The following TMEM273 variants were observed in gnomAD, a reference collection of about 807,000 sequenced individuals.
TMEM273 encodes chromosome 10 open reading frame 128.
A neutral mutation model predicts 17.9 loss-of-function variants in TMEM273; 19 were observed. The ratio of observed to expected loss-of-function variants is 1.06; its 90% confidence interval spans 0.74 to 1.55. The LOEUF (loss-of-function observed/expected upper bound fraction) is 1.55. Among genes scored for constraint, TMEM273 ranks in the 40% most tolerant of loss-of-function variants. TMEM273 has a pLI of 0.00. For missense variants in TMEM273, 194 were observed against 155.6 expected, an observed-to-expected ratio of 1.25 and a Z score of -1.31; for synonymous variants, 66 against 62.0, an observed-to-expected ratio of 1.07 and a Z score of -0.31.
At position 49,159,395 on chromosome 10, in the gene TMEM273, G is replaced by T. The variant is rs548867552; in HGVS notation, c.372+2204C>A. Among the ~76,000 whole-genome samples, 213 of 152,242 alleles carry T rather than the reference G, an allele frequency of 1.4e-3. 1 individual carries two copies. The highest frequency in any genetic ancestry group is 4.6e-3 in the African/African-American group (192 of 41,536). On this transcript the variant is annotated intron_variant, in intron 6 of 6. Transcript: ENST00000374153. ...AGAAATATGCAAGTTTACTGAGTGG[G>T]TCTATAGCTGCATAGTGCTCTAATT...
chr10:49,155,836 A>G lies in TMEM273; in HGVS notation c.*56T>C, dbSNP rs760879466. The G allele has an allele frequency of 1.2e-5, 19 of 1,613,898 alleles. No homozygotes were observed. The highest frequency in any genetic ancestry group is 2.2e-5 in the East Asian group (1 of 44,892). On this transcript the variant is annotated 3_prime_UTR_variant, in exon 7 of 7. Transcript: ENST00000374153. ...TGCAGAACATCCTGAGATGTTAACC[A>G]TGGGCTGTTTTCCACGGGGCTAGAA... is the stretch of plus-strand genomic sequence containing the variant.
intron 1 of TMEM273, chr10:49,178,139 T>C (rs765012592): frequency 2.2e-6 from 1 of 456,534 alleles, no homozygotes; most frequent in Admixed American, 2.4e-5. Flanking sequence ...TAAGGCCCAA[T>C]GTCCTCCCAG....
intron 1 of TMEM273, among the ~76,000 whole-genome samples, chr10:49,180,527 C>T (rs1847280229): frequency 6.6e-6 from 1 of 152,128 alleles, no homozygotes; most frequent in Non-Finnish European, 1.5e-5. Flanking sequence ...AGAATGATAT[C>T]TGAGGAGGCC....
intron 3 of TMEM273, 35 bp from the exon 4 acceptor site, chr10:49,165,831 CG>C (rs1564626748): frequency 8.7e-6 from 14 of 1,613,734 alleles, no homozygotes; most frequent in Non-Finnish European, 1.1e-5. Flanking sequence ...GGAAGGGGGT[CG>C]TGTGACAAGA....
At chr10:49,165,411 C>G in intron 4 of TMEM273, 128 bp from the exon 5 acceptor site, 1 of 1,515,900 alleles carries the variant, frequency 6.6e-7, no homozygotes, top group Non-Finnish European at 8.8e-7. Context: ...GCCCAGAAAC[C>G]TGGGACAAAC....
chr10:49,180,199 G>A (rs1029354649), intron 1 of TMEM273, among the ~76,000 whole-genome samples: 4 of 152,280 alleles, frequency 2.6e-5, no homozygotes, highest in South Asian at 4.1e-4. Context: ...CCACCACGAG[G>A]CTACCCCCAC....
chr10:49,186,756 C>T (rs1208856449), intron 1 of TMEM273, among the ~76,000 whole-genome samples: 1 of 152,186 alleles, frequency 6.6e-6, no homozygotes, highest in Non-Finnish European at 1.5e-5. Flanking sequence ...CACTGTGTAC[C>T]TCTATCAATA....
chr10:49,171,657 C>T (rs1236767909), intron 1 of TMEM273, among the ~76,000 whole-genome samples: 1 of 152,248 alleles, frequency 6.6e-6, no homozygotes, highest in African/African-American at 2.4e-5. Flanking sequence ...GCTCTCCCAA[C>T]AGCAAGAAGC....
chr10:49,179,013 G>A (rs1054943587), intron 1 of TMEM273, among the ~76,000 whole-genome samples: 1 of 152,202 alleles, frequency 6.6e-6, no homozygotes, highest in African/African-American at 2.4e-5. Flanking sequence ...TTGCAAAGGT[G>A]TGAACAGGGC....
At chr10:49,172,414 G>A (rs1425836885) in intron 1 of TMEM273, among the ~76,000 whole-genome samples, 1 of 152,130 alleles carries the variant, frequency 6.6e-6, no homozygotes, top group African/African-American at 2.4e-5. Context: ...GTGGGAACAG[G>A]GTGCAGAGTG....
chr10:49,188,258 T>TC (rs1197659049), intron 1 of TMEM273, 36 bp downstream of exon 1: 1 of 1,612,584 alleles, frequency 6.2e-7, no homozygotes, highest in Non-Finnish European at 8.5e-7. Context: ...CCACTGAGGC[T>TC]CCCCCGGGCC....
intron 1 of TMEM273, among the ~76,000 whole-genome samples, 165 bp from the exon 2 acceptor site, chr10:49,168,127 G>A (rs1003967777): frequency 6.6e-6 from 1 of 152,130 alleles, no homozygotes; most frequent in African/African-American, 2.4e-5. Context: ...AGACATCAGA[G>A]CTTCCCTCAA....
chr10:49,165,442 A>T, intron 4 of TMEM273, 159 bp from the exon 5 acceptor site: 3 of 1,489,844 alleles, frequency 2.0e-6, no homozygotes, highest in South Asian at 2.8e-5. Flanking sequence ...CTCCCAAGTG[A>T]CAGGGGCTGG....
intron 1 of TMEM273, among the ~76,000 whole-genome samples, chr10:49,183,544 A>T (rs1039646492): frequency 4.6e-5 from 7 of 152,290 alleles, no homozygotes; most frequent in African/African-American, 1.7e-4. Flanking sequence ...TTAAAAAGTC[A>T]CTTCAGTTTT....
chr10:49,167,154 A>C, intron 2 of TMEM273, 145 bp from the exon 3 acceptor site: 1 of 1,166,536 alleles, frequency 8.6e-7, no homozygotes, highest in Non-Finnish European at 1.2e-6. Flanking sequence ...CTCTCCCATG[A>C]GTCCCTTTGC....
chr10:49,158,414 C>T (rs1273849660), intron 6 of TMEM273, among the ~76,000 whole-genome samples: 1 of 152,148 alleles, frequency 6.6e-6, no homozygotes, highest in African/African-American at 2.4e-5. Context: ...GGACCTCCCC[C>T]AGCTCCCGCA....
chr10:49,165,827 G>A, intron 3 of TMEM273, 31 bp from the exon 4 acceptor site: 1 of 1,613,976 alleles, frequency 6.2e-7, no homozygotes, highest in South Asian at 1.1e-5. Flanking sequence ...ATTAGGAAGG[G>A]GGTCGTGTGA....
At chr10:49,174,160 A>G (rs989572940) in intron 1 of TMEM273, among the ~76,000 whole-genome samples, 1 of 152,250 alleles carries the variant, frequency 6.6e-6, no homozygotes, top group African/African-American at 2.4e-5. Flanking sequence ...CTACCCTGCA[A>G]TGTTAGTGGA....
chr10:49,180,480 C>T (rs998692050), intron 1 of TMEM273, among the ~76,000 whole-genome samples: 5 of 152,196 alleles, frequency 3.3e-5, no homozygotes, highest in Non-Finnish European at 5.9e-5. Context: ...GCTCCACCCC[C>T]CTAGCAATTA....
Sources: allele counts gnomAD v4.1 joint callset (sites outside exome capture counted in the v4.1 genomes callset), GRCh38; gene constraint gnomAD v4.1.1; transcripts MANE v1.5; gene names NCBI Gene and HGNC (gene_info 2026-07-23, HGNC 2026-07-21).